Variants in CNTNAP2 observed in about 807,000 individuals in gnomAD.
CNTNAP2 encodes contactin associated protein 2.
In CNTNAP2, 98 loss-of-function variants were observed where a neutral mutation model predicts 155.2. The observed-to-expected ratio is 0.63, with a 90% CI of 0.54 to 0.75. The LOEUF (loss-of-function observed/expected upper bound fraction) is 0.75. Ranked by LOEUF, CNTNAP2 falls within the 30% of genes least tolerant of loss-of-function variation. The pLI, the probability that CNTNAP2 is intolerant of heterozygous loss-of-function variation, is 0.00. For missense variants in CNTNAP2, 1,727 were observed against 1,688.1 expected (o/e 1.02, Z -0.40); for synonymous variants, 651 against 631.2 (o/e 1.03, Z -0.47).
intron 10 of CNTNAP2, among the ~76,000 whole-genome samples, chr7:147,455,806 A>T (rs1014311693): frequency 6.6e-6 from 1 of 152,146 alleles, no homozygotes; most frequent in Non-Finnish European, 1.5e-5. Context: ...TGAATACCAC[A>T]TTATAAATGA....
chr7:148,183,424 A>T (rs935640273), intron 18 of CNTNAP2, among the ~76,000 whole-genome samples: 16 of 152,108 alleles, frequency 1.1e-4, no homozygotes, highest in Non-Finnish European at 2.1e-4. Context: ...CAATTTTTTT[A>T]AAATTGTCTT....
chr7:146,754,534 GTCTCTC>G (rs71525968), intron 1 of CNTNAP2, among the ~76,000 whole-genome samples: 2 of 143,342 alleles, frequency 1.4e-5, no homozygotes, highest in Non-Finnish European at 3.0e-5. Flanking sequence ...GGTTGTTAGA[GTCTCTC>G]TCTCTCTCTC....
At chr7:147,543,986 A>G (rs1433351824) in intron 11 of CNTNAP2, among the ~76,000 whole-genome samples, 1 of 152,196 alleles carries the variant, frequency 6.6e-6, no homozygotes, top group Non-Finnish European at 1.5e-5. Flanking sequence ...ACCTGTTTTA[A>G]ACAAAACAAT....
At chr7:147,090,306 A>G (rs1297808323) in intron 4 of CNTNAP2, among the ~76,000 whole-genome samples, 2 of 148,614 alleles carry the variant, frequency 1.3e-5, no homozygotes. Context: ...AAGAAGACTG[A>G]TATAGAACAT....
intron 10 of CNTNAP2, among the ~76,000 whole-genome samples, chr7:147,401,866 G>A (rs1328627782): frequency 6.6e-6 from 1 of 152,130 alleles, no homozygotes; most frequent in Non-Finnish European, 1.5e-5. Flanking sequence ...GTGTGGGACT[G>A]TGAGTCAATT....
chr7:146,251,167 T>G (rs1002073005), intron 1 of CNTNAP2, among the ~76,000 whole-genome samples: 5 of 152,280 alleles, frequency 3.3e-5, no homozygotes, highest in African/African-American at 1.2e-4. Context: ...ATCTTACACA[T>G]TAGACAAAGG....
chr7:147,440,972 G>A (rs373628065), intron 10 of CNTNAP2, among the ~76,000 whole-genome samples: 54 of 152,120 alleles, frequency 3.5e-4, no homozygotes, highest in African/African-American at 1.2e-3. Flanking sequence ...CTTGTTGTTC[G>A]ATAATCTTCT....
chr7:147,432,778 C>T (rs905782182), intron 10 of CNTNAP2, among the ~76,000 whole-genome samples: 39 of 152,182 alleles, frequency 2.6e-4, no homozygotes, highest in African/African-American at 7.7e-4. Flanking sequence ...CCCCCTTCAT[C>T]CTGCAAACAC....
chr7:147,665,015 ATGTG>A (rs2116957970), intron 13 of CNTNAP2, among the ~76,000 whole-genome samples: 1 of 152,338 alleles, frequency 6.6e-6, no homozygotes, highest in East Asian at 1.9e-4. Context: ...TTACAGAGGT[ATGTG>A]TAAGAGTTGT....
intron 8 of CNTNAP2, among the ~76,000 whole-genome samples, chr7:147,238,766 A>T (rs1803873541): frequency 6.6e-6 from 1 of 152,116 alleles, no homozygotes; most frequent in Non-Finnish European, 1.5e-5. Flanking sequence ...TCTTTCATTA[A>T]CCATTTATTC....
chr7:147,307,866 T>C (rs1458194660), intron 9 of CNTNAP2, among the ~76,000 whole-genome samples: 2 of 152,158 alleles, frequency 1.3e-5, no homozygotes, highest in Non-Finnish European at 2.9e-5. Context: ...AGAGCTTGGA[T>C]TAATAAATAT....
intron 10 of CNTNAP2, among the ~76,000 whole-genome samples, chr7:147,445,190 C>G (rs1447833131): frequency 1.3e-5 from 2 of 152,202 alleles, no homozygotes; most frequent in Non-Finnish European, 2.9e-5. Context: ...TTAACCTGAT[C>G]TGTCCTCTCA....
chr7:147,277,910 T>G (rs894621942), intron 8 of CNTNAP2, among the ~76,000 whole-genome samples: 6 of 151,798 alleles, frequency 4.0e-5, no homozygotes, highest in Non-Finnish European at 8.8e-5. Context: ...TTCGAAGTCC[T>G]TCATCATCTG....
intron 1 of CNTNAP2, among the ~76,000 whole-genome samples, chr7:146,672,117 A>G (rs1468409859): frequency 1.3e-5 from 2 of 152,086 alleles, no homozygotes; most frequent in African/African-American, 4.8e-5. Flanking sequence ...CCCGGCTAGT[A>G]GTATTCTCAT....
At chr7:147,466,158 C>A (rs1211332532) in intron 10 of CNTNAP2, among the ~76,000 whole-genome samples, 1 of 152,130 alleles carries the variant, frequency 6.6e-6, no homozygotes, top group Non-Finnish European at 1.5e-5. Flanking sequence ...GGACAGCCAT[C>A]TAGAAACATG....
intron 4 of CNTNAP2, among the ~76,000 whole-genome samples, chr7:147,058,397 C>T (rs1799602536): frequency 1.3e-5 from 2 of 152,074 alleles, no homozygotes; most frequent in African/African-American, 4.8e-5. Flanking sequence ...GTATATTACA[C>T]TATATTCTAT....
chr7:146,720,313 C>T (rs1417034256), intron 1 of CNTNAP2, among the ~76,000 whole-genome samples: 1 of 152,024 alleles, frequency 6.6e-6, no homozygotes. Flanking sequence ...TCTTTACTGG[C>T]TCACTTTCAA....
chr7:146,127,859 C>G (rs1244762614), intron 1 of CNTNAP2, among the ~76,000 whole-genome samples: 22 of 152,112 alleles, frequency 1.4e-4, no homozygotes, highest in Admixed American at 1.4e-3. Flanking sequence ...TGTAATAATC[C>G]AGCAGATGCG....
intron 1 of CNTNAP2, among the ~76,000 whole-genome samples, chr7:146,478,219 A>C (rs1020435988): frequency 1.3e-5 from 2 of 152,140 alleles, no homozygotes; most frequent in Non-Finnish European, 2.9e-5. Context: ...AGAATAAATC[A>C]AAAGAAAGAG....
Sources: gnomAD v4.1 joint callset for allele counts (sites outside exome capture counted in the v4.1 genomes callset) on GRCh38, gnomAD v4.1.1 for gene constraint, MANE v1.5 for transcripts, NCBI Gene and HGNC (gene_info 2026-07-23, HGNC 2026-07-21) for gene names.